CYLC1: variants seen among roughly 807,000 people sequenced by gnomAD.
CYLC1 encodes cylicin-1.
CYLC1 carries 2 observed loss-of-function variants against 31.6 expected under a neutral mutation model. The observed-to-expected ratio is 0.06, with a 90% CI of 0.03 to 0.20. The LOEUF (loss-of-function observed/expected upper bound fraction) is 0.20, where lower values mean the gene tolerates loss of function less well. Among genes scored for constraint, CYLC1 ranks in the 10% least tolerant of loss-of-function variants. The probability of loss-of-function intolerance (pLI) is 1.00; values close to 1 mark genes in which losing one functional copy is unlikely to be tolerated. For synonymous variants in CYLC1, 185 were observed against 153.0 expected, an observed-to-expected ratio of 1.21 and a Z score of -1.54; for missense variants, 595 against 424.1, an observed-to-expected ratio of 1.40 and a Z score of -3.54.
In CYLC1 at chrX:83,874,347, G is replaced by C; in HGVS notation, c.1639G>C (p.Glu547Gln). The change falls in exon 4 of 5, where the codon GAG (glutamate) becomes CAG (glutamine). Residue 547 changes from glutamate to glutamine, a missense_variant. Physicochemically the swap from Glu to Gln is conservative, Grantham distance 29. Transcript: ENST00000329312. ...KIKGSDTESEESLYKPGAKKK... is the reference protein window; with the variant it reads ...KIKGSDTESEQSLYKPGAKKK... ...CAAAGGTTCAGATACTGAATCTGAAGAGTCACTATATAAACCTGGGGCTAA... is the reference window on the plus strand; with the variant it reads ...CAAAGGTTCAGATACTGAATCTGAACAGTCACTATATAAACCTGGGGCTAA... The C allele has an allele frequency of 1.7e-6, 2 of 1,209,608 alleles. No homozygotes were observed. The highest frequency in any genetic ancestry group is 2.2e-6 in the Non-Finnish European group (2 of 894,085).
At position 83,861,167 on chromosome X, in the gene CYLC1, C is replaced by A; in HGVS notation, c.-16C>A. ...ACTTACTATGCTCAAGTCCAGGCAA[C>A]GTACAGGCAGGGGAAATGTCTCTTC... On this transcript the variant is annotated 5_prime_UTR_variant, in exon 1 of 5. Transcript: ENST00000329312. 8.3e-7 allele frequency: 1 copy of A among 1,198,461 alleles called. No homozygotes were observed. Among genetic ancestry groups the A allele is most frequent in the Non-Finnish European group, 1.1e-6 (1 of 886,308 alleles).
chrX:83,873,095 A>C lies in CYLC1; in HGVS notation c.387A>C (p.Lys129Asn), dbSNP rs149146924. ...KDEKGGTPLK[K>N]DSKKKGGSYA... ...AAAAAGGAGGAACACCTTTGAAGAA[A>C]GATTCCAAGAAAAAAGGAGGTTCAT... Residue 129 changes from lysine (K) to asparagine (N), a missense_variant, in exon 4 of 5, where the codon AAA becomes AAC. Transcript: ENST00000329312. The C allele has an allele frequency of 1.5e-4, 177 of 1,193,054 alleles. No individual in the cohort carries two copies. The highest frequency in any genetic ancestry group is 1.8e-4 in the Non-Finnish European group (160 of 888,881).
intron 1 of CYLC1, among the ~76,000 whole-genome samples, chrX:83,865,474 C>T (rs2031580216): frequency 8.9e-6 from 1 of 111,757 alleles, no homozygotes; most frequent in Non-Finnish European, 1.9e-5. Context: ...GTGCATGTTA[C>T]CTTGATTAGT....
At position 83,873,732 on chromosome X, in the gene CYLC1, G is replaced by A; in HGVS notation, c.1024G>A (p.Asp342Asn). ...TGATGCTGAATCTGGAGACTCAAAG[G>A]ATGAAAGGAAAGATACAAAGAAGGA... ...STDAESGDSK[D>N]ERKDTKKDKK... The change falls in exon 4 of 5, where the codon GAT (aspartate) becomes AAT (asparagine). Residue 342 changes from aspartate (D) to asparagine (N), a missense_variant. Asp to Asn is a conservative substitution (Grantham distance 23). Coordinates refer to ENST00000329312, the MANE Select transcript of CYLC1 (RefSeq NM_021118.3). 1 of 1,190,118 alleles carries A rather than the reference G, an allele frequency of 8.4e-7. No individual in the cohort carries two copies. The highest frequency in any genetic ancestry group is 1.8e-5 in the South Asian group (1 of 54,461).
intron 1 of CYLC1, among the ~76,000 whole-genome samples, chrX:83,866,710 G>A (rs1450055607): frequency 9.1e-6 from 1 of 110,494 alleles, no homozygotes; most frequent in Non-Finnish European, 1.9e-5. Context: ...TGAGATGGTT[G>A]ATCACATCCA....
intron 1 of CYLC1, among the ~76,000 whole-genome samples, chrX:83,861,883 T>A (rs2031512520): frequency 9.0e-6 from 1 of 111,265 alleles, no homozygotes; most frequent in East Asian, 2.8e-4. Flanking sequence ...TTGCTTATAT[T>A]AAACTATTTT....
intron 4 of CYLC1, among the ~76,000 whole-genome samples, chrX:83,884,768 G>A (rs2031960099): frequency 9.0e-6 from 1 of 110,633 alleles, no homozygotes; most frequent in Non-Finnish European, 1.9e-5. Flanking sequence ...TTTTTTAACT[G>A]TGTTACTGTG....
chrX:83,869,363 C>T (rs772689576), intron 1 of CYLC1, among the ~76,000 whole-genome samples: 1 of 110,178 alleles, frequency 9.1e-6, no homozygotes, highest in South Asian at 3.8e-4. Context: ...CCTCTCCTTC[C>T]TCCCACCCTC....
intron 1 of CYLC1, among the ~76,000 whole-genome samples, chrX:83,866,571 T>G (rs191896378): frequency 2.2e-4 from 24 of 111,407 alleles, no homozygotes; most frequent in African/African-American, 7.5e-4. Context: ...TCTGCTGGTA[T>G]AACATTCTCA....
chrX:83,870,694 T>A (rs962620806), intron 2 of CYLC1, among the ~76,000 whole-genome samples: 8 of 111,463 alleles, frequency 7.2e-5, no homozygotes, highest in African/African-American at 1.9e-4. Flanking sequence ...CTATGACTAC[T>A]TTTTGCCAAT....
chrX:83,878,044 A>G (rs1450527760), intron 4 of CYLC1, among the ~76,000 whole-genome samples: 1 of 66,101 alleles, frequency 1.5e-5, no homozygotes, highest in Non-Finnish European at 2.5e-5. Flanking sequence ...ATATAAATAT[A>G]AATATATATA....
chrX:83,884,522 G>T (rs747236160), intron 4 of CYLC1, among the ~76,000 whole-genome samples: 1 of 110,979 alleles, frequency 9.0e-6, no homozygotes, highest in South Asian at 3.7e-4. Flanking sequence ...GTCTAGAAGG[G>T]TATTTCCAAT....
intron 4 of CYLC1, among the ~76,000 whole-genome samples, chrX:83,875,553 A>G (rs2031746061): frequency 9.0e-6 from 1 of 111,549 alleles, no homozygotes; most frequent in Non-Finnish European, 1.9e-5. Context: ...GCTTGTGCAG[A>G]GAAACTCCCG....
chrX:83,871,292 T>A (rs2031660472), intron 2 of CYLC1, among the ~76,000 whole-genome samples, 160 bp from the exon 3 acceptor site: 1 of 111,163 alleles, frequency 9.0e-6, no homozygotes. Flanking sequence ...TTATTTTCTC[T>A]GATTGCTATG....
Position 83,873,469 on chromosome X carries a change from C to T in CYLC1, c.761C>T (p.Ser254Phe), listed in dbSNP as rs140658882. Residue 254 changes from serine to phenylalanine, a missense_variant, in exon 4 of 5, where the codon TCT becomes TTT. By Grantham distance (155) the Ser-to-Phe change is radical. Transcript: ENST00000329312. ...NVDFLMLVGQSDDESINFDAW... is the reference protein window; with the variant it reads ...NVDFLMLVGQFDDESINFDAW... ...GATTTCCTCATGTTAGTGGGACAGTCTGATGATGAATCCATAAATTTTGAT... is the reference window on the plus strand; with the variant it reads ...GATTTCCTCATGTTAGTGGGACAGTTTGATGATGAATCCATAAATTTTGAT... 6 of 1,192,610 alleles carry T rather than the reference C, an allele frequency of 5.0e-6. No homozygotes were observed. The highest frequency in any genetic ancestry group is 6.8e-6 in the Non-Finnish European group (6 of 884,874).
At chrX:83,877,891 TATATACAA>T in intron 4 of CYLC1, among the ~76,000 whole-genome samples, 1 of 41,755 alleles carries the variant, frequency 2.4e-5, no homozygotes, top group Non-Finnish European at 4.6e-5. Context: ...TATATATATA[TATATACAA>T]ATATATATAA....
chrX:83,877,792 A>G (rs2031793167), intron 4 of CYLC1, among the ~76,000 whole-genome samples: 1 of 99,065 alleles, frequency 1.0e-5, no homozygotes, highest in Admixed American at 1.3e-4. Flanking sequence ...ATTTATATAA[A>G]ATTATATTTT....
At chrX:83,867,892 A>G (rs1442234893) in intron 1 of CYLC1, among the ~76,000 whole-genome samples, 5 of 111,778 alleles carry the variant, frequency 4.5e-5, no homozygotes, top group Non-Finnish European at 9.4e-5. Flanking sequence ...TCAGCCTTCA[A>G]TAATACTTAA....
chrX:83,885,808 CTT>C (rs1261977758), intron 4 of CYLC1, among the ~76,000 whole-genome samples: 118 of 109,523 alleles, frequency 1.1e-3, no homozygotes, highest in Middle Eastern at 4.3e-3. Flanking sequence ...AAGAGAAAAA[CTT>C]TGGTATAAAT....
Sources: allele counts gnomAD v4.1 joint callset (sites outside exome capture counted in the v4.1 genomes callset), GRCh38; gene constraint gnomAD v4.1.1; transcripts MANE v1.5; gene names NCBI Gene and HGNC (gene_info 2026-07-23, HGNC 2026-07-21).